NTM: variants seen among roughly 807,000 people sequenced by gnomAD.
The protein encoded by NTM is neurotrimin.
A neutral mutation model predicts 42.1 loss-of-function variants in NTM; 13 were observed. The observed-to-expected ratio is 0.31, with a 90% CI of 0.20 to 0.49. NTM has a LOEUF of 0.49. Ranked by LOEUF, NTM falls within the 20% of genes least tolerant of loss-of-function variation. NTM has a pLI of 0.99. For missense variants in NTM, 373 were observed against 452.8 expected, an observed-to-expected ratio of 0.82 and a Z score of 1.60; for synonymous variants, 187 against 179.2, an observed-to-expected ratio of 1.04 and a Z score of -0.35.
Position 131,897,352 on chromosome 11 carries a change from C to G in NTM, c.83-14212C>G, listed in dbSNP as rs574388354. ...CAAGAAGGAAAAAAATTAAGAGGCA[C>G]TGATCTACCAGTGAGCAAAGGGTTG... is the stretch of plus-strand genomic sequence containing the variant. On this transcript the variant is annotated intron_variant, in intron 1 of 8. Transcript: ENST00000683400. Among the ~76,000 whole-genome samples the G allele has an allele frequency of 2.6e-5, 4 of 152,304 alleles. No individual in the cohort carries two copies. In the South Asian group the frequency reaches 6.2e-4, roughly 24 times the overall value.
intron 1 of NTM, among the ~76,000 whole-genome samples, chr11:131,399,196 T>C (rs1218355185): frequency 6.6e-6 from 1 of 152,190 alleles, no homozygotes; most frequent in Non-Finnish European, 1.5e-5. Flanking sequence ...CTTAGTTTGC[T>C]GCCAGGATGT....
chr11:132,309,655 A>T (rs913478089), intron 5 of NTM, among the ~76,000 whole-genome samples: 2 of 152,220 alleles, frequency 1.3e-5, no homozygotes, highest in Non-Finnish European at 2.9e-5. Context: ...AGCGGCATCA[A>T]AAAGGTTTTT....
chr11:131,536,058 C>A (rs1036502021), intron 1 of NTM: 3 of 152,276 alleles, frequency 2.0e-5, no homozygotes, highest in South Asian at 2.1e-4. Flanking sequence ...AATAGAATAA[C>A]TTGCGGGGTG....
Position 131,906,564 on chromosome 11 carries a change from T to G in NTM, c.83-5000T>G, listed in dbSNP as rs553098379. On this transcript the variant is annotated intron_variant, in intron 1 of 8. Transcript: ENST00000683400. The stretch of plus-strand genomic sequence containing the variant: ...AAACTTAGATAAAAAGGAAAGACTC[T>G]GCCCCAAAGACCCCTGGCTCTCAGG... 1.3e-3 allele frequency among the ~76,000 whole-genome samples: 203 copies of G among 152,308 alleles called. 1 individual carries two copies. The South Asian group carries it at 0.013, about 10-fold the overall frequency.
At chr11:131,397,473 A>G (rs1160389507) in intron 1 of NTM, among the ~76,000 whole-genome samples, 4 of 152,212 alleles carry the variant, frequency 2.6e-5, no homozygotes, top group Non-Finnish European at 4.4e-5. Context: ...TCATGAGTCA[A>G]GCCTAGCTCT....
At chr11:131,806,991 T>C (rs527603087) in intron 1 of NTM, among the ~76,000 whole-genome samples, 1 of 152,290 alleles carries the variant, frequency 6.6e-6, no homozygotes, top group South Asian at 2.1e-4. Context: ...GTCATGATGC[T>C]GGATTACAGG....
intron 2 of NTM, among the ~76,000 whole-genome samples, chr11:131,945,485 G>T (rs1302319569): frequency 6.6e-6 from 1 of 152,072 alleles, no homozygotes; most frequent in East Asian, 1.9e-4. Flanking sequence ...GTTGAGGCGG[G>T]GTGAATCTAG....
chr11:131,605,290 T>C (rs2060848637), intron 1 of NTM, among the ~76,000 whole-genome samples: 1 of 152,214 alleles, frequency 6.6e-6, no homozygotes, highest in Admixed American at 6.5e-5. Context: ...AAATTATCCC[T>C]GAGTACTTTA....
At chr11:131,428,880 C>CAAAAAAAAAA (rs35312475) in intron 1 of NTM, among the ~76,000 whole-genome samples, 82 of 83,910 alleles carry the variant, frequency 9.8e-4, no homozygotes, top group African/African-American at 2.1e-3. Context: ...ACTAAAAATA[C>CAAAAAAAAAA]AAAAAAAAAA....
chr11:131,520,178 G>A (rs557775380), intron 1 of NTM, among the ~76,000 whole-genome samples: 5 of 152,248 alleles, frequency 3.3e-5, no homozygotes, highest in South Asian at 4.1e-4. Context: ...TTCCTTTAGC[G>A]CTGGCAAAGA....
chr11:131,591,352 C>T (rs1565675602), intron 1 of NTM, among the ~76,000 whole-genome samples: 1 of 152,148 alleles, frequency 6.6e-6, no homozygotes, highest in Non-Finnish European at 1.5e-5. Context: ...GCTCAGAGGC[C>T]CTGCTGGGGA....
At chr11:131,576,376 C>A (rs150676448) in intron 1 of NTM, among the ~76,000 whole-genome samples, 17 of 152,278 alleles carry the variant, frequency 1.1e-4, no homozygotes, top group African/African-American at 3.6e-4. Context: ...TTCCTAGCAT[C>A]CTCTTTCCTC....
At chr11:132,011,537 G>A (rs2072193567) in intron 2 of NTM, among the ~76,000 whole-genome samples, 1 of 152,160 alleles carries the variant, frequency 6.6e-6, no homozygotes, top group South Asian at 2.1e-4. Context: ...TAAAAGAAAA[G>A]GATATTTGCA....
intron 4 of NTM, among the ~76,000 whole-genome samples, chr11:132,260,410 C>T (rs544203274): frequency 1.8e-4 from 28 of 152,230 alleles, no homozygotes; most frequent in African/African-American, 6.5e-4. Flanking sequence ...TCTGAATTAC[C>T]ATGGGAATGT....
At chr11:131,708,827 A>G (rs527777416) in intron 1 of NTM, among the ~76,000 whole-genome samples, 1 of 152,306 alleles carries the variant, frequency 6.6e-6, no homozygotes, top group African/African-American at 2.4e-5. Flanking sequence ...ATGGGTAAGA[A>G]GCATAACGTA....
At chr11:132,117,995 T>C (rs961351363) in intron 2 of NTM, among the ~76,000 whole-genome samples, 1 of 152,222 alleles carries the variant, frequency 6.6e-6, no homozygotes, top group Admixed American at 6.5e-5. Flanking sequence ...GACTCCGCGC[T>C]AACTTGAATT....
intron 7 of NTM, among the ~76,000 whole-genome samples, chr11:132,316,080 C>G (rs1373852917): frequency 6.6e-6 from 1 of 152,132 alleles, no homozygotes; most frequent in Non-Finnish European, 1.5e-5. Context: ...GCTCTCCACC[C>G]ACAGCACTCC....
chr11:131,955,831 G>T (rs944642396), intron 2 of NTM, among the ~76,000 whole-genome samples: 2 of 152,226 alleles, frequency 1.3e-5, no homozygotes, highest in East Asian at 3.9e-4. Context: ...TATAATGTCC[G>T]CGCTTTGACT....
At chr11:131,913,628 CCT>C (rs200758194) in intron 2 of NTM, among the ~76,000 whole-genome samples, 2,415 of 152,262 alleles carry the variant, frequency 0.016, 23 homozygotes, top group Non-Finnish European at 0.022. Flanking sequence ...TGCCGGTCCC[CCT>C]CTCTCTTTCA....
Sources: allele counts gnomAD v4.1 joint callset (sites outside exome capture counted in the v4.1 genomes callset), GRCh38; gene constraint gnomAD v4.1.1; transcripts MANE v1.5; gene names NCBI Gene and HGNC (gene_info 2026-07-23, HGNC 2026-07-21).